The following GGA2 variants were observed in gnomAD, a reference collection of about 807,000 sequenced individuals.
GGA2 encodes the protein golgi associated, gamma adaptin ear containing, ARF binding protein 2.
Under a neutral mutation model 79.5 loss-of-function variants are expected in GGA2, and 48 were observed. The observed-to-expected ratio is 0.60, with a 90% CI of 0.48 to 0.77. GGA2 has a LOEUF of 0.77. GGA2 is among the 30% of genes least tolerant of loss of function. GGA2 has a pLI of 0.00. For missense variants in GGA2, 770 were observed against 774.0 expected, an observed-to-expected ratio of 0.99 and a Z score of 0.06; for synonymous variants, 317 against 302.0, an observed-to-expected ratio of 1.05 and a Z score of -0.51.
rs1360292836 is a variant in GGA2 at position 23,480,732 on chromosome 16, C to A, written c.919G>T (p.Val307Phe). The part of the protein sequence containing the change: ...LQANDLLTQG[V>F]LLYKQVMEGR... ...TCCATCACCTGTTTGTACAGCAGAA[C>A]TCCTTGGGTGAGGAGGTCATTTGCC... The change falls in exon 10 of 17, where the codon GTT becomes TTT. Residue 307 changes from valine (V) to phenylalanine (F), a missense_variant. Val to Phe is a conservative substitution (Grantham distance 50). Coordinates refer to ENST00000309859, the MANE Select transcript of GGA2 (RefSeq NM_015044.4). 1 of 1,613,144 alleles carries A rather than the reference C, an allele frequency of 6.2e-7. No individual in the cohort carries two copies. The highest frequency in any genetic ancestry group is 2.2e-5 in the East Asian group (1 of 44,874).
At position 23,491,905 on chromosome 16, in the gene GGA2, G is replaced by A. The variant is rs549045758; in HGVS notation, c.352-105C>T. On this transcript the variant is annotated intron_variant, in intron 4 of 16. Coordinates refer to ENST00000309859, the MANE Select transcript of GGA2 (RefSeq NM_015044.4). ...GAGGCCCAGAGACACAAGCTCCCAG[G>A]CGCGGTATGAGTGTGAGGAGAGACT... 1.5e-4 allele frequency: 110 copies of A among 728,364 alleles called. 1 individual carries two copies. In the South Asian group the frequency reaches 1.6e-3, roughly 11 times the overall value. 45.1% of individuals were successfully genotyped at this position (728,364 alleles called of 1,614,324 possible).
intron 13 of GGA2, among the ~76,000 whole-genome samples, chr16:23,476,851 A>G (rs967580463): frequency 6.6e-6 from 1 of 152,218 alleles, no homozygotes; most frequent in Non-Finnish European, 1.5e-5. Context: ...CTCATGTTCT[A>G]CTACTCCTAG....
At chr16:23,487,496 G>A (rs1004081267) in intron 6 of GGA2, among the ~76,000 whole-genome samples, 2 of 152,150 alleles carry the variant, frequency 1.3e-5, no homozygotes, top group African/African-American at 4.8e-5. Flanking sequence ...GTCTGCAGTT[G>A]CCCTGGACCA....
At chr16:23,487,857 C>T (rs548651745) in intron 6 of GGA2, among the ~76,000 whole-genome samples, 1 of 152,240 alleles carries the variant, frequency 6.6e-6, no homozygotes, top group South Asian at 2.1e-4. Flanking sequence ...ACAGGCAGAG[C>T]ATACCACGCA....
rs2142123515 is a variant in GGA2, at chr16:23,483,005, C to A, written c.799-1G>T. On this transcript the variant is annotated splice_acceptor_variant, in intron 8 of 16. Coordinates refer to ENST00000309859, the MANE Select transcript of GGA2 (RefSeq NM_015044.4). LOFTEE classifies it high-confidence loss of function. The stretch of plus-strand genomic sequence containing the variant: ...GCTTTTCACACCTCTCATACACGAC[C>A]TGAAAGAGCAGAGCTTGGTTCATGA... 1 of 1,606,142 alleles carries A rather than the reference C, an allele frequency of 6.2e-7. No homozygotes were observed. Among genetic ancestry groups the A allele is most frequent in the South Asian group, 1.1e-5 (1 of 90,896 alleles).
chr16:23,499,145 C>CTTTT (rs34195789), intron 1 of GGA2, among the ~76,000 whole-genome samples: 2 of 134,638 alleles, frequency 1.5e-5, no homozygotes, highest in Non-Finnish European at 1.6e-5. Context: ...CGGGCACCAC[C>CTTTT]TTTTTTTTTT....
At chr16:23,508,058 G>C (rs1023508367) in intron 1 of GGA2, among the ~76,000 whole-genome samples, 4 of 151,088 alleles carry the variant, frequency 2.6e-5, no homozygotes, top group Non-Finnish European at 5.9e-5. Flanking sequence ...CTCTTACTCC[G>C]GCTACTTTTT....
At chr16:23,487,074 C>T (rs1398742271) in intron 6 of GGA2, among the ~76,000 whole-genome samples, 2 of 150,630 alleles carry the variant, frequency 1.3e-5, no homozygotes, top group Non-Finnish European at 2.9e-5. Context: ...CTCTGCCTCC[C>T]GGGTTCAAGC....
In GGA2 at chr16:23,482,969, C is replaced by T. The variant is rs765245590; in HGVS notation, c.834G>A (p.Thr278=). 4.3e-6 allele frequency: 7 copies of T among 1,612,622 alleles called. No individual in the cohort carries two copies. Among genetic ancestry groups the T allele is most frequent in the Admixed American group, 1.7e-5 (1 of 59,998 alleles). Residue 278 remains threonine, a synonymous_variant, in exon 9 of 17, where the codon ACG becomes ACA. Transcript: ENST00000309859. ...TGGTGTCACTCGCCAACCGGAACAGCGTGGGCCGCAGCTTTTCACACCTCT... is the reference window on the plus strand; with the variant it reads ...TGGTGTCACTCGCCAACCGGAACAGTGTGGGCCGCAGCTTTTCACACCTCT... ...VYERCEKLRP[T]LFRLASDTTD... is the part of the protein sequence containing the mutation.
At chr16:23,492,107 T>C (rs1964796319) in intron 4 of GGA2, among the ~76,000 whole-genome samples, 1 of 152,240 alleles carries the variant, frequency 6.6e-6, no homozygotes, top group Non-Finnish European at 1.5e-5. Context: ...AATTTGGTCT[T>C]TGTTTCCGTT....
intron 6 of GGA2, among the ~76,000 whole-genome samples, chr16:23,487,121 A>T (rs992180307): frequency 1.3e-5 from 2 of 151,824 alleles, no homozygotes; most frequent in African/African-American, 4.8e-5. Flanking sequence ...AGCTGGGACT[A>T]TAGGCGCGTG....
At chr16:23,484,393 G>T (rs1964687044) in intron 8 of GGA2, among the ~76,000 whole-genome samples, 1 of 152,122 alleles carries the variant, frequency 6.6e-6, no homozygotes. Flanking sequence ...ACTCCAGCCT[G>T]GGCGACAGAG....
intron 2 of GGA2, chr16:23,495,217 A>C (rs895673875): frequency 3.3e-5 from 5 of 152,488 alleles, no homozygotes; most frequent in Non-Finnish European, 7.3e-5. Flanking sequence ...CCTTTTTCTT[A>C]AAATTACATT....
intron 6 of GGA2, among the ~76,000 whole-genome samples, chr16:23,488,281 A>G (rs1252395648): frequency 6.6e-6 from 1 of 152,074 alleles, no homozygotes; most frequent in East Asian, 1.9e-4. Context: ...GAGGGCACAA[A>G]GTACCCTTGA....
At chr16:23,495,350 G>C (rs1964841639) in intron 2 of GGA2, 2 of 173,512 alleles carry the variant, frequency 1.2e-5, no homozygotes, top group South Asian at 3.7e-4. Context: ...ATAACTGCCA[G>C]TTGCAAGTGA....
chr16:23,505,616 C>G (rs1171232254), intron 1 of GGA2, among the ~76,000 whole-genome samples: 1 of 152,166 alleles, frequency 6.6e-6, no homozygotes, highest in African/African-American at 2.4e-5. Context: ...GGAACAACCC[C>G]TCTCCTCAAT....
chr16:23,490,308 T>A (rs1287231935), intron 5 of GGA2, among the ~76,000 whole-genome samples: 1 of 152,194 alleles, frequency 6.6e-6, no homozygotes, highest in Non-Finnish European at 1.5e-5. Context: ...CTCTACCCAA[T>A]TCCAGGGATT....
At chr16:23,491,322 A>AC (rs1229475803) in intron 5 of GGA2, among the ~76,000 whole-genome samples, 9 of 151,414 alleles carry the variant, frequency 5.9e-5, no homozygotes, top group Non-Finnish European at 1.2e-4. Context: ...AAAAAAAAAA[A>AC]AAAAAAACCA....
intron 2 of GGA2, 129 bp downstream of exon 2, chr16:23,495,564 TG>T (rs2142134956): frequency 2.1e-6 from 1 of 473,198 alleles, no homozygotes; most frequent in African/African-American, 1.9e-5. Context: ...CCCAAACTGT[TG>T]GGATTATAGG....
Sources: allele counts gnomAD v4.1 joint callset (sites outside exome capture counted in the v4.1 genomes callset), GRCh38; gene constraint gnomAD v4.1.1; transcripts MANE v1.5; gene names NCBI Gene and HGNC (gene_info 2026-07-23, HGNC 2026-07-21).